Variants in KAZN observed in about 807,000 individuals in gnomAD.
KAZN encodes the protein kazrin.
A neutral mutation model predicts 87.4 loss-of-function variants in KAZN; 40 were observed. The ratio of observed to expected loss-of-function variants is 0.46; its 90% CI spans 0.36 to 0.60. The LOEUF is 0.60. Ranked by LOEUF, KAZN falls within the 20% of genes least tolerant of loss-of-function variation. The probability of loss-of-function intolerance (pLI) is 0.00; values close to 1 mark genes in which losing one functional copy is unlikely to be tolerated. For synonymous variants in KAZN, 466 were observed against 458.3 expected (o/e 1.02, Z -0.22); for missense variants, 898 against 1,073.9 (o/e 0.84, Z 2.29).
At chr1:14,374,756 C>T (rs916202269) in intron 2 of KAZN, among the ~76,000 whole-genome samples, 1 of 152,050 alleles carries the variant, frequency 6.6e-6, no homozygotes, top group African/African-American at 2.4e-5. Context: ...TAGTTTAAGC[C>T]AATTGACATA....
intron 1 of KAZN, among the ~76,000 whole-genome samples, chr1:14,737,248 A>G (rs1331857831): frequency 6.6e-6 from 1 of 152,182 alleles, no homozygotes; most frequent in African/African-American, 2.4e-5. Context: ...AAGGAGGCGG[A>G]TGGTGCAGGA....
At chr1:14,843,423 T>C (rs1290871903) in intron 1 of KAZN, among the ~76,000 whole-genome samples, 1 of 151,248 alleles carries the variant, frequency 6.6e-6, no homozygotes, top group African/African-American at 2.4e-5. Flanking sequence ...CCAAGAGGAG[T>C]AGTTTTCTAG....
chr1:14,323,153 G>A (rs1309095780), intron 2 of KAZN, among the ~76,000 whole-genome samples: 1 of 150,170 alleles, frequency 6.7e-6, no homozygotes, highest in Non-Finnish European at 1.5e-5. Flanking sequence ...AGGGATTATG[G>A]GGATTACAAT....
intron 1 of KAZN, among the ~76,000 whole-genome samples, chr1:14,101,273 C>T (rs114788147): frequency 4.7e-4 from 72 of 152,326 alleles, no homozygotes; most frequent in African/African-American, 1.5e-3. Flanking sequence ...CTATTTATTA[C>T]GTGCTTATTA....
At chr1:14,842,123 G>C (rs958206559) in intron 1 of KAZN, among the ~76,000 whole-genome samples, 2 of 152,054 alleles carry the variant, frequency 1.3e-5, no homozygotes, top group African/African-American at 4.8e-5. Flanking sequence ...ATTTGTCTTT[G>C]TTATTCTCTA....
At chr1:14,940,955 G>C (rs1353993873) in intron 1 of KAZN, among the ~76,000 whole-genome samples, 1 of 123,678 alleles carries the variant, frequency 8.1e-6, no homozygotes, top group Non-Finnish European at 1.6e-5. Flanking sequence ...TTGCCCTGTC[G>C]ACCAGGCTGG....
chr1:14,115,736 G>A (rs895474977), intron 1 of KAZN, among the ~76,000 whole-genome samples: 2 of 151,690 alleles, frequency 1.3e-5, no homozygotes, highest in African/African-American at 4.8e-5. Flanking sequence ...GAACAATTTG[G>A]AGGGCTCAGA....
chr1:15,047,787 C>A (rs1673738397), intron 4 of KAZN, among the ~76,000 whole-genome samples: 1 of 152,100 alleles, frequency 6.6e-6, no homozygotes, highest in African/African-American at 2.4e-5. Flanking sequence ...AAAAGAAGCC[C>A]CCCAGCTGCG....
At chr1:15,109,852 TGTGC>T (rs1246913484) in intron 13 of KAZN, among the ~76,000 whole-genome samples, 1 of 151,484 alleles carries the variant, frequency 6.6e-6, no homozygotes, top group Non-Finnish European at 1.5e-5. Context: ...TGTATGTTTA[TGTGC>T]GTGTATATAT....
chr1:14,069,459 A>T (rs889058119), intron 1 of KAZN, among the ~76,000 whole-genome samples: 1 of 152,228 alleles, frequency 6.6e-6, no homozygotes, highest in African/African-American at 2.4e-5. Flanking sequence ...CTATAAAAGT[A>T]AGACCTGTTT....
Position 15,109,015 on chromosome 1 carries a change from C to T in KAZN, c.2049-3412C>T, listed in dbSNP as rs77110730. Among the ~76,000 whole-genome samples the T allele has an allele frequency of 4.3e-3, 650 of 152,258 alleles. 3 individuals are homozygous for T. The highest frequency in any genetic ancestry group is 0.015 in the African/African-American group (625 of 41,542). On this transcript the variant is annotated intron_variant, in intron 13 of 14. Transcript: ENST00000376030. ...AATAAGGAGGGAGGATATTTTGGCA[C>T]ACTGGAGGCCAAGGTCACCCCGTAT...
At chr1:14,622,620 G>T (rs1233406466) in intron 1 of KAZN, among the ~76,000 whole-genome samples, 2 of 148,388 alleles carry the variant, frequency 1.3e-5, no homozygotes, top group Non-Finnish European at 3.0e-5. Flanking sequence ...GAACCTGGGG[G>T]GCGGAGCTTG....
intron 2 of KAZN, among the ~76,000 whole-genome samples, chr1:14,307,084 A>C (rs956105853): frequency 6.6e-6 from 1 of 152,194 alleles, no homozygotes; most frequent in Non-Finnish European, 1.5e-5. Flanking sequence ...AGCAGAGTAC[A>C]CAGAGGGGGA....
intron 1 of KAZN, among the ~76,000 whole-genome samples, chr1:14,150,833 A>G (rs1272014483): frequency 1.3e-5 from 2 of 152,188 alleles, no homozygotes; most frequent in African/African-American, 4.8e-5. Context: ...CCCCATTTTT[A>G]TTTTTAAATA....
At chr1:14,551,914 T>C (rs1673547490) in intron 2 of KAZN, among the ~76,000 whole-genome samples, 1 of 152,204 alleles carries the variant, frequency 6.6e-6, no homozygotes, top group African/African-American at 2.4e-5. Context: ...CAGCCTGATG[T>C]CATGTACTCT....
At chr1:14,579,875 C>T (rs147835975) in intron 2 of KAZN, among the ~76,000 whole-genome samples, 85 of 151,806 alleles carry the variant, frequency 5.6e-4, no homozygotes, top group Middle Eastern at 6.8e-3. Flanking sequence ...TATTAATAAG[C>T]GGCAGAGAAC....
intron 2 of KAZN, among the ~76,000 whole-genome samples, chr1:14,279,367 C>A (rs904451570): frequency 6.6e-6 from 1 of 152,170 alleles, no homozygotes; most frequent in Non-Finnish European, 1.5e-5. Context: ...TCTGCCTCTC[C>A]ACCCTCATGT....
chr1:14,654,308 AT>A (rs1295362503), intron 1 of KAZN, among the ~76,000 whole-genome samples: 4 of 151,408 alleles, frequency 2.6e-5, no homozygotes, highest in East Asian at 1.9e-4. Flanking sequence ...AAAAAAAAAA[AT>A]CTCCAGATAT....
intron 1 of KAZN, among the ~76,000 whole-genome samples, chr1:14,161,369 T>A (rs190087898): frequency 3.7e-4 from 56 of 152,340 alleles, no homozygotes; most frequent in African/African-American, 1.3e-3. Context: ...ACTGGAATCA[T>A]TGAGAAGCTT....
Sources: gnomAD v4.1 joint callset for allele counts (sites outside exome capture counted in the v4.1 genomes callset) on GRCh38, gnomAD v4.1.1 for gene constraint, MANE v1.5 for transcripts, NCBI Gene and HGNC (gene_info 2026-07-23, HGNC 2026-07-21) for gene names.